MTMR8: variants seen among roughly 807,000 people sequenced by gnomAD.
MTMR8 encodes the protein myotubularin related protein 8.
Under a neutral mutation model 39.3 loss-of-function variants are expected in MTMR8, and 65 were observed. The observed-to-expected ratio is 1.65, with a 90% confidence interval of 1.35 to 2.03. The LOEUF is 2.03. Among genes scored for constraint, MTMR8 ranks in the 30% most tolerant of loss-of-function variants. The pLI, the probability that MTMR8 is intolerant of heterozygous loss-of-function variation, is 0.00. For missense variants in MTMR8, 777 were observed against 538.9 expected (o/e 1.44, Z -4.37); for synonymous variants, 245 against 185.2 (o/e 1.32, Z -2.62).
chrX:64,304,777 G>C, intron 12 of MTMR8, among the ~76,000 whole-genome samples: 1 of 99,507 alleles, frequency 1.0e-5, no homozygotes, highest in East Asian at 3.4e-4. Flanking sequence ...CATTTTCTGT[G>C]ATTCCAAATG....
intron 1 of MTMR8, among the ~76,000 whole-genome samples, chrX:64,364,926 T>G (rs1348816854): frequency 9.0e-6 from 1 of 111,299 alleles, no homozygotes; most frequent in Non-Finnish European, 1.9e-5. Flanking sequence ...AATGACCCGA[T>G]GGAGCTGAAA....
intron 13 of MTMR8, among the ~76,000 whole-genome samples, chrX:64,270,603 A>G (rs1172480094): frequency 1.8e-5 from 2 of 112,442 alleles, no homozygotes; most frequent in African/African-American, 3.2e-5. Context: ...CACTGTTCTT[A>G]TCAGTATACC....
At chrX:64,326,747 G>A (rs1922803110) in intron 12 of MTMR8, among the ~76,000 whole-genome samples, 1 of 109,910 alleles carries the variant, frequency 9.1e-6, no homozygotes, top group African/African-American at 3.3e-5. Flanking sequence ...GCAAACTTGT[G>A]GGGAAAAAAA....
At chrX:64,270,363 T>C (rs1931732045) in intron 13 of MTMR8, among the ~76,000 whole-genome samples, 1 of 112,247 alleles carries the variant, frequency 8.9e-6, no homozygotes, top group Non-Finnish European at 1.9e-5. Context: ...CAATAATTCT[T>C]TTCTAAGAGG....
chrX:64,311,274 T>C (rs1482645601), intron 12 of MTMR8, among the ~76,000 whole-genome samples: 1 of 112,296 alleles, frequency 8.9e-6, no homozygotes, highest in Non-Finnish European at 1.9e-5. Context: ...TTTTTTCATG[T>C]CTGTTGGCTG....
intron 1 of MTMR8, among the ~76,000 whole-genome samples, chrX:64,390,937 C>A (rs1924675984): frequency 8.9e-6 from 1 of 112,239 alleles, no homozygotes; most frequent in Non-Finnish European, 1.9e-5. Context: ...GGATTACAGG[C>A]TTGAGCCAAC....
chrX:64,368,412 G>A lies in MTMR8; in HGVS notation c.25-8885C>T, dbSNP rs779291210. Among the ~76,000 whole-genome samples the A allele has an allele frequency of 2.7e-5, 3 of 111,339 alleles. No individual in the cohort carries two copies. The South Asian group carries it at 1.1e-3, about 42-fold the overall frequency. The stretch of plus-strand genomic sequence containing the variant: ...CATGGTACTGGTACCAAAACAGAGA[G>A]ACAGACTAATGGAACAGAACAGAGG... On this transcript the variant is annotated intron_variant, in intron 1 of 13. Coordinates refer to ENST00000374852, the MANE Select transcript of MTMR8 (RefSeq NM_017677.4).
chrX:64,386,864 T>C (rs1374453855), intron 1 of MTMR8, among the ~76,000 whole-genome samples: 1 of 107,205 alleles, frequency 9.3e-6, no homozygotes, highest in East Asian at 2.9e-4. Context: ...GGCAACATAG[T>C]GAGACCTCAT....
chrX:64,287,534 C>G (rs781609341), intron 12 of MTMR8, among the ~76,000 whole-genome samples: 41 of 111,227 alleles, frequency 3.7e-4, no homozygotes, highest in Non-Finnish European at 6.4e-4. Flanking sequence ...AAGAACAAAG[C>G]TGGAGGCATC....
rs202151079 is a variant in MTMR8, at chrX:64,318,705, TTTG to T, written c.1481+10064_1481+10066del. 5.3e-3 allele frequency among the ~76,000 whole-genome samples: 496 copies of T among 93,647 alleles called. 2 individuals are homozygous for T. Among genetic ancestry groups the T allele is most frequent in the Non-Finnish European group, 8.7e-3 (421 of 48,207 alleles). The allele number at this position is 93,647 out of a possible 115,157, so 81.3% of individuals were successfully genotyped here. ...TAGTTTGTTTGGTTTGGTTTGGTTT[TTTG>T]TTTTTTTTTTTTTTTTTGAGATGGA... On this transcript the variant is annotated intron_variant, in intron 12 of 13. Transcript: ENST00000374852.
intron 1 of MTMR8, among the ~76,000 whole-genome samples, chrX:64,363,090 T>G (rs996272716): frequency 9.0e-6 from 1 of 111,112 alleles, no homozygotes; most frequent in African/African-American, 3.3e-5. Flanking sequence ...GTTGGTAGGG[T>G]TCAAGGCATA....
chrX:64,358,878 C>CACACACACACAT (rs1307525485), intron 2 of MTMR8, among the ~76,000 whole-genome samples: 78 of 107,062 alleles, frequency 7.3e-4, no homozygotes, highest in African/African-American at 2.5e-3. Context: ...CACACACACA[C>CACACACACACAT]ATATATATAT....
At chrX:64,320,636 A>C (rs2147216013) in intron 12 of MTMR8, among the ~76,000 whole-genome samples, 1 of 110,009 alleles carries the variant, frequency 9.1e-6, no homozygotes, top group Non-Finnish European at 1.9e-5. Flanking sequence ...CAGAATAAAA[A>C]GCCTGGGAAG....
In MTMR8 at chrX:64,288,098, C is replaced by CA. The variant is rs764275639; in HGVS notation, c.1482-17026dup. Among the ~76,000 whole-genome samples the CA allele has an allele frequency of 1.5e-4, 14 of 92,557 alleles. No individual in the cohort carries two copies. In the East Asian group the frequency reaches 5.1e-3, roughly 34 times the overall value. The allele number at this position is 92,557 out of a possible 115,157, so 80.4% of individuals were successfully genotyped here. A position where few individuals can be genotyped will look rare whatever the true frequency, so the allele number is the denominator to read the frequency against. On this transcript the variant is annotated intron_variant, in intron 12 of 13. Transcript: ENST00000374852. ...CCTACAGAATGGGAGAAAATTTTTGCAATCTACTCCTCTGACAAACGGCTA... is the reference window on the plus strand; with the variant it reads ...CCTACAGAATGGGAGAAAATTTTTGCAAATCTACTCCTCTGACAAACGGCTA...
intron 12 of MTMR8, among the ~76,000 whole-genome samples, chrX:64,298,320 A>G (rs1363115380): frequency 3.0e-5 from 3 of 99,162 alleles, no homozygotes; most frequent in African/African-American, 1.2e-4. Flanking sequence ...TTGGATTCCT[A>G]GGTATTTTAT....
At chrX:64,389,839 C>T (rs1052947266) in intron 1 of MTMR8, among the ~76,000 whole-genome samples, 1 of 111,561 alleles carries the variant, frequency 9.0e-6, no homozygotes, top group African/African-American at 3.3e-5. Context: ...AAGTGATTGC[C>T]CAAGAACTCA....
At chrX:64,281,138 G>C (rs184012440) in intron 12 of MTMR8, among the ~76,000 whole-genome samples, 2 of 111,306 alleles carry the variant, frequency 1.8e-5, no homozygotes, top group Non-Finnish European at 3.8e-5. Flanking sequence ...GTAATTTAGA[G>C]ATTCAATGCT....
chrX:64,302,101 G>C (rs1336684379), intron 12 of MTMR8, among the ~76,000 whole-genome samples: 2 of 112,888 alleles, frequency 1.8e-5, no homozygotes, highest in East Asian at 5.6e-4. Context: ...CACCCAGTTC[G>C]AGCTTTCTGG....
At chrX:64,270,159 C>G (rs1444981650) in intron 13 of MTMR8, among the ~76,000 whole-genome samples, 1 of 111,100 alleles carries the variant, frequency 9.0e-6, no homozygotes, top group Non-Finnish European at 1.9e-5. Context: ...CCCCCTCCAC[C>G]TTTAAAAAAA....
Sources: gnomAD v4.1 joint callset for allele counts (sites outside exome capture counted in the v4.1 genomes callset) on GRCh38, gnomAD v4.1.1 for gene constraint, MANE v1.5 for transcripts, NCBI Gene and HGNC (gene_info 2026-07-23, HGNC 2026-07-21) for gene names.